Variants in MCC observed in about 807,000 individuals in gnomAD.
The protein encoded by MCC is MCC regulator of Wnt signaling pathway, also known as colorectal mutant cancer protein.
In MCC, 90 loss-of-function variants were observed where a neutral mutation model predicts 116.2. The observed-to-expected ratio is 0.77, with a 90% confidence interval of 0.65 to 0.92. The LOEUF (loss-of-function observed/expected upper bound fraction) is 0.92. Ranked by LOEUF, MCC falls within the 40% of genes least tolerant of loss-of-function variation. The pLI, the probability that MCC is intolerant of heterozygous loss-of-function variation, is 0.00. For synonymous variants in MCC, 578 were observed against 510.5 expected (o/e 1.13, Z -1.78); for missense variants, 1,516 against 1,312.2 (o/e 1.16, Z -2.40).
At chr5:113,216,951 G>A (rs1763343949) in intron 3 of MCC, among the ~76,000 whole-genome samples, 1 of 152,178 alleles carries the variant, frequency 6.6e-6, no homozygotes. Context: ...CACTACCTTT[G>A]TCAAGCAATT....
At chr5:113,057,712 C>A (rs1752929694) in intron 14 of MCC, among the ~76,000 whole-genome samples, 1 of 152,256 alleles carries the variant, frequency 6.6e-6, no homozygotes, top group Admixed American at 6.5e-5. Context: ...TGCTCAGCGG[C>A]AGGCATGCCT....
chr5:113,070,964 C>A, intron 12 of MCC, 130 bp downstream of exon 12: 1 of 948,144 alleles, frequency 1.1e-6, no homozygotes, highest in South Asian at 2.1e-5. Context: ...GCTGTCCAAA[C>A]CGCCAGATAT....
At chr5:113,154,675 T>C (rs895955322) in intron 3 of MCC, among the ~76,000 whole-genome samples, 4 of 152,216 alleles carry the variant, frequency 2.6e-5, no homozygotes, top group East Asian at 3.8e-4. Context: ...TTGTGAGCGA[T>C]GCTACATGAA....
intron 8 of MCC, 145 bp from the exon 9 acceptor site, chr5:113,085,455 ATTATATTCC>A: frequency 1.5e-6 from 1 of 663,068 alleles, no homozygotes; most frequent in Non-Finnish European, 2.5e-6. Flanking sequence ...CATAAAAGTC[ATTATATTCC>A]TTTTTTCGGA....
At chr5:113,100,557 C>T (rs1473808018) in intron 8 of MCC, among the ~76,000 whole-genome samples, 2 of 150,444 alleles carry the variant, frequency 1.3e-5, no homozygotes, top group African/African-American at 2.5e-5. Context: ...CTGCAACCCC[C>T]GCCTCCCGGG....
rs568543001 is a variant in MCC at position 113,326,378 on chromosome 5, T to C, written c.627+14141A>G. On this transcript the variant is annotated intron_variant, in intron 3 of 18. Transcript: ENST00000408903. ...AAAGAACAGAATTTTACTCTCACAG[T>C]TCTGGAGGCTGGGAAGTCCAAGATC... 2.6e-5 allele frequency among the ~76,000 whole-genome samples: 4 copies of C among 152,324 alleles called. No homozygotes were observed. The South Asian group carries it at 8.3e-4, about 32-fold the overall frequency.
intron 5 of MCC, among the ~76,000 whole-genome samples, chr5:113,126,923 C>A (rs1234080480): frequency 6.6e-6 from 1 of 151,994 alleles, no homozygotes; most frequent in South Asian, 2.1e-4. Flanking sequence ...GGGTTTGTTA[C>A]GCAGGTAAAC....
chr5:113,456,970 T>A (rs904492473), intron 1 of MCC, among the ~76,000 whole-genome samples: 1 of 152,050 alleles, frequency 6.6e-6, no homozygotes, highest in Non-Finnish European at 1.5e-5. Flanking sequence ...TAATGAGAGG[T>A]GACAGCGTGC....
chr5:113,389,266 C>G (rs2150394910), intron 1 of MCC, among the ~76,000 whole-genome samples: 1 of 152,292 alleles, frequency 6.6e-6, no homozygotes, highest in South Asian at 2.1e-4. Context: ...CGTACAGTCC[C>G]CTGTGACTAT....
intron 16 of MCC, chr5:113,044,508 A>G: frequency 1.0e-6 from 1 of 982,986 alleles, no homozygotes; most frequent in South Asian, 4.7e-5. Context: ...CATGAGTGCT[A>G]CCAAGCTGCA....
chr5:113,238,567 T>G (rs1045900333), intron 3 of MCC, among the ~76,000 whole-genome samples: 1 of 152,214 alleles, frequency 6.6e-6, no homozygotes, highest in Non-Finnish European at 1.5e-5. Flanking sequence ...TTCCCCAAAT[T>G]TAAGATTTTG....
intron 13 of MCC, among the ~76,000 whole-genome samples, chr5:113,067,385 C>T (rs35169063): frequency 0.014 from 2,194 of 152,306 alleles, 65 homozygotes; most frequent in African/African-American, 0.05. Flanking sequence ...CAGTGGCTCA[C>T]GCATGTAATC....
intron 4 of MCC, among the ~76,000 whole-genome samples, chr5:113,143,618 A>G (rs1759320155): frequency 6.6e-6 from 1 of 152,162 alleles, no homozygotes; most frequent in Non-Finnish European, 1.5e-5. Context: ...GCCATTGCAC[A>G]CTGTCCAAGT....
chr5:113,175,655 G>A lies in MCC; in HGVS notation c.628-24233C>T, dbSNP rs79839039. On this transcript the variant is annotated intron_variant, in intron 3 of 18. Coordinates refer to ENST00000408903, the MANE Select transcript of MCC (RefSeq NM_001085377.2). ...TTCTCAGGAACCTATCTAGGAGGTC[G>A]TATGAAATTTGTATTAGATTGTAAA... is the stretch of plus-strand genomic sequence containing the variant. Among the ~76,000 whole-genome samples, 1,075 of 152,162 alleles carry A rather than the reference G, an allele frequency of 7.1e-3. 19 individuals carry two copies. Among genetic ancestry groups the A allele is most frequent in the African/African-American group, 0.024 (1,003 of 41,496 alleles).
intron 3 of MCC, among the ~76,000 whole-genome samples, chr5:113,194,827 A>G (rs1438257433): frequency 1.3e-5 from 2 of 152,232 alleles, no homozygotes; most frequent in Non-Finnish European, 2.9e-5. Context: ...TCGAGGACTC[A>G]TTGTGAAAAT....
At chr5:113,221,535 T>C (rs992440253) in intron 3 of MCC, among the ~76,000 whole-genome samples, 9 of 152,240 alleles carry the variant, frequency 5.9e-5, no homozygotes, top group Non-Finnish European at 1.3e-4. Context: ...TTAGGAGGCA[T>C]GCAACTGGAG....
chr5:113,397,716 G>A (rs571724025), intron 1 of MCC, among the ~76,000 whole-genome samples: 6 of 152,052 alleles, frequency 3.9e-5, no homozygotes, highest in African/African-American at 1.2e-4. Flanking sequence ...TTAAGTAGAA[G>A]ACCCACAGCT....
At chr5:113,351,133 T>C (rs777212859) in intron 2 of MCC, among the ~76,000 whole-genome samples, 11 of 151,984 alleles carry the variant, frequency 7.2e-5, no homozygotes, top group Non-Finnish European at 1.5e-4. Flanking sequence ...TTGGAGGTTT[T>C]TCAAAAACCT....
chr5:113,399,019 G>A (rs1035274333), intron 1 of MCC, among the ~76,000 whole-genome samples: 1 of 152,092 alleles, frequency 6.6e-6, no homozygotes, highest in Non-Finnish European at 1.5e-5. Flanking sequence ...TTCCTCAGTT[G>A]TACTAGATCA....
Sources: allele counts gnomAD v4.1 joint callset (sites outside exome capture counted in the v4.1 genomes callset), GRCh38; gene constraint gnomAD v4.1.1; transcripts MANE v1.5; gene names NCBI Gene and HGNC (gene_info 2026-07-23, HGNC 2026-07-21).